ARHGAP32: variants seen among roughly 807,000 people sequenced by gnomAD.
The protein encoded by ARHGAP32 is rho GTPase-activating protein 32.
A neutral mutation model predicts 186.5 loss-of-function variants in ARHGAP32; 51 were observed. That is an observed-to-expected ratio of 0.27 (90% CI 0.22 to 0.35). The LOEUF is 0.35. ARHGAP32 is among the 10% of genes least tolerant of loss of function. ARHGAP32 has a pLI of 1.00. For missense variants in ARHGAP32, 2,186 were observed against 2,623.5 expected (o/e 0.83, Z 3.64); for synonymous variants, 950 against 964.3 (o/e 0.99, Z 0.27).
chr11:129,038,888 GAAAA>G (rs56810685), intron 11 of ARHGAP32, among the ~76,000 whole-genome samples: 23,547 of 92,550 alleles, frequency 0.25, 2,146 homozygotes, highest in Non-Finnish European at 0.26. Flanking sequence ...ACCCTGTCTC[GAAAA>G]AAAAAAAAAA....
intron 1 of ARHGAP32, among the ~76,000 whole-genome samples, chr11:129,249,274 T>C (rs572180214): frequency 2.6e-5 from 4 of 152,164 alleles, no homozygotes; most frequent in East Asian, 1.9e-4. Context: ...ACAGTAATAC[T>C]CTTTATATAC....
At chr11:129,193,624 AAT>A (rs1491166965), upstream of ARHGAP32, among the ~76,000 whole-genome samples, 78 of 80,596 alleles carry the variant, frequency 9.7e-4, no homozygotes, top group African/African-American at 2.9e-3. Flanking sequence ...TATGTTATAT[AAT>A]ATATATAATA....
intron 1 of ARHGAP32, among the ~76,000 whole-genome samples, chr11:129,256,275 C>T (rs142238948): frequency 9.2e-5 from 14 of 151,812 alleles, no homozygotes; most frequent in Non-Finnish European, 1.9e-4. Context: ...ACGTACTCAA[C>T]ATGTGTATGA....
rs529309215 is a variant in ARHGAP32 at position 129,177,541 on chromosome 11, A to T, written c.117-13114T>A. Among the ~76,000 whole-genome samples, 77 of 152,310 alleles carry T rather than the reference A, an allele frequency of 5.1e-4. 1 individual carries two copies. The highest frequency in any genetic ancestry group is 1.7e-3 in the Admixed American group (26 of 15,296). On this transcript the variant is annotated intron_variant, in intron 1 of 22. Transcript: ENST00000682385. ...AACATTGATGCAAAAACCCTTAATA[A>T]AATACTGGCAAACTGAATCCAGCAG...
At chr11:129,241,986 G>C (rs2135668323) in intron 1 of ARHGAP32, among the ~76,000 whole-genome samples, 1 of 152,332 alleles carries the variant, frequency 6.6e-6, no homozygotes, top group Non-Finnish European at 1.5e-5. Flanking sequence ...TGTTTCTATA[G>C]AGTAGAAATG....
chr11:129,017,318 G>A (rs1439889463), intron 11 of ARHGAP32, among the ~76,000 whole-genome samples: 2 of 151,914 alleles, frequency 1.3e-5, no homozygotes, highest in Admixed American at 1.3e-4. Flanking sequence ...GCCGGGTGTG[G>A]TGGCGGGCAC....
intron 12 of ARHGAP32, among the ~76,000 whole-genome samples, chr11:128,992,368 A>G (rs1472866051): frequency 6.6e-6 from 1 of 152,168 alleles, no homozygotes; most frequent in Non-Finnish European, 1.5e-5. Flanking sequence ...ACACCAAAAA[A>G]AAATACTAAC....
At chr11:129,104,984 C>A (rs553127297) in intron 5 of ARHGAP32, among the ~76,000 whole-genome samples, 1 of 152,238 alleles carries the variant, frequency 6.6e-6, no homozygotes, top group South Asian at 2.1e-4. Context: ...AATAGACAGA[C>A]CCTATTCACA....
Position 129,020,767 on chromosome 11 carries a change from C to T in ARHGAP32, c.1045+20161G>A, listed in dbSNP as rs548654599. Among the ~76,000 whole-genome samples, 213 of 152,086 alleles carry T rather than the reference C, an allele frequency of 1.4e-3. 4 individuals are homozygous for T. The highest frequency in any genetic ancestry group is 5.0e-3 in the African/African-American group (208 of 41,536). On this transcript the variant is annotated intron_variant, in intron 11 of 22. Coordinates refer to ENST00000682385, the MANE Select transcript of ARHGAP32 (RefSeq NM_001378024.1). Reference sequence around the variant, plus strand: ...CTTGGGCTTCATTCCCCACTCCTATCCCAAGTATATGTCAAAAATTTTTTT... The same window carrying T: ...CTTGGGCTTCATTCCCCACTCCTATTCCAAGTATATGTCAAAAATTTTTTT...
chr11:128,989,516 T>TCTCA (rs369034541), intron 12 of ARHGAP32, among the ~76,000 whole-genome samples: 2 of 139,036 alleles, frequency 1.4e-5, no homozygotes, highest in East Asian at 2.1e-4. Context: ...GTTTTTTATT[T>TCTCA]CACACACACA....
chr11:129,172,786 C>A (rs981666175), intron 1 of ARHGAP32, among the ~76,000 whole-genome samples: 1 of 152,100 alleles, frequency 6.6e-6, no homozygotes, highest in Non-Finnish European at 1.5e-5. Flanking sequence ...CTCTGGGACA[C>A]AGCTAAAGCA....
At chr11:129,075,445 A>G (rs888574165) in intron 6 of ARHGAP32, among the ~76,000 whole-genome samples, 3 of 152,222 alleles carry the variant, frequency 2.0e-5, no homozygotes, top group African/African-American at 4.8e-5. Flanking sequence ...ACATAAAACA[A>G]TCTTTAATAT....
At chr11:129,092,163 T>C (rs1037734698) in intron 6 of ARHGAP32, among the ~76,000 whole-genome samples, 1 of 151,992 alleles carries the variant, frequency 6.6e-6, no homozygotes, top group Admixed American at 6.5e-5. Flanking sequence ...GTAACAATTA[T>C]ACGTTATAAT....
intron 11 of ARHGAP32, among the ~76,000 whole-genome samples, chr11:129,036,380 C>A (rs1424864737): frequency 1.5e-4 from 15 of 98,676 alleles, no homozygotes; most frequent in East Asian, 6.1e-4. Context: ...AACTCCGTCT[C>A]AAAAAAAAAA....
chr11:129,171,132 T>C (rs1339505666), intron 1 of ARHGAP32, among the ~76,000 whole-genome samples: 1 of 152,246 alleles, frequency 6.6e-6, no homozygotes, highest in Non-Finnish European at 1.5e-5. Flanking sequence ...CTGTTCACTC[T>C]GATGATAAGT....
chr11:129,265,385 T>C (rs61912960), intron 1 of ARHGAP32, among the ~76,000 whole-genome samples: 23,515 of 152,174 alleles, frequency 0.15, 1,901 homozygotes, highest in Admixed American at 0.19. Flanking sequence ...GGTTGTCCTG[T>C]GCAGGAGTAA....
chr11:129,071,572 G>A (rs1444675522), intron 6 of ARHGAP32, among the ~76,000 whole-genome samples: 1 of 152,050 alleles, frequency 6.6e-6, no homozygotes, highest in Admixed American at 6.6e-5. Context: ...CGGCAAAGCT[G>A]TAGAGAAAAG....
upstream of ARHGAP32, among the ~76,000 whole-genome samples, chr11:129,197,012 G>A (rs545906002): frequency 2.8e-4 from 43 of 152,082 alleles, no homozygotes; most frequent in Non-Finnish European, 4.9e-4. Context: ...AGCCAAGAGC[G>A]CGCCACTGCA....
In ARHGAP32 at chr11:128,968,656, T is replaced by G. The variant is rs368764980; in HGVS notation, c.*251A>C. ...TGTGTCCTGAGACAGGTTTCTCTAC[T>G]GGGTTTCAGCACGGGGCTTTACCAT... On this transcript the variant is annotated 3_prime_UTR_variant, in exon 23 of 23. Coordinates refer to ENST00000682385, the MANE Select transcript of ARHGAP32 (RefSeq NM_001378024.1). The G allele has an allele frequency of 1.2e-3, 394 of 321,988 alleles. No individual in the cohort carries two copies. Among genetic ancestry groups the G allele is most frequent in the African/African-American group, 8.1e-3 (379 of 47,044 alleles). The allele number at this position is 321,988 out of a possible 1,614,324, so 19.9% of individuals were successfully genotyped here.
Sources: allele counts gnomAD v4.1 joint callset (sites outside exome capture counted in the v4.1 genomes callset), GRCh38; gene constraint gnomAD v4.1.1; transcripts MANE v1.5; gene names NCBI Gene and HGNC (gene_info 2026-07-23, HGNC 2026-07-21).